Variants in HS3ST4 observed in about 807,000 individuals in gnomAD.
The protein encoded by HS3ST4 is heparan sulfate glucosamine 3-O-sulfotransferase 4.
A neutral mutation model predicts 29.2 loss-of-function variants in HS3ST4; 17 were observed. The ratio of observed to expected loss-of-function variants is 0.58; its 90% CI spans 0.40 to 0.87. The LOEUF (loss-of-function observed/expected upper bound fraction) is 0.87. Among genes scored for constraint, HS3ST4 ranks in the 40% least tolerant of loss-of-function variants. HS3ST4 has a pLI of 0.00. For synonymous variants in HS3ST4, 314 were observed against 285.7 expected (o/e 1.10, Z -1.00); for missense variants, 627 against 634.5 (o/e 0.99, Z 0.13).
chr16:25,944,002 G>A (rs988355065), intron 1 of HS3ST4, among the ~76,000 whole-genome samples: 4 of 152,104 alleles, frequency 2.6e-5, no homozygotes, highest in African/African-American at 9.7e-5. Flanking sequence ...TGATTCTGGG[G>A]AAATCTTTCT....
At chr16:25,731,961 C>A (rs910848705) in intron 1 of HS3ST4, among the ~76,000 whole-genome samples, 3 of 152,152 alleles carry the variant, frequency 2.0e-5, no homozygotes, top group Non-Finnish European at 4.4e-5. Flanking sequence ...GAAGAACAAA[C>A]CTTTTCATAT....
intron 1 of HS3ST4, among the ~76,000 whole-genome samples, chr16:25,795,892 G>A (rs570593625): frequency 3.3e-5 from 5 of 152,194 alleles, no homozygotes; most frequent in Middle Eastern, 3.4e-3. Context: ...TCTCGCTGGC[G>A]GGTATTTCCA....
intron 1 of HS3ST4, among the ~76,000 whole-genome samples, chr16:25,814,508 A>G (rs1276280215): frequency 6.6e-6 from 1 of 151,962 alleles, no homozygotes; most frequent in Non-Finnish European, 1.5e-5. Flanking sequence ...CACCATGCCC[A>G]GCTAATTTTT....
chr16:25,723,128 G>T (rs952810585), intron 1 of HS3ST4, among the ~76,000 whole-genome samples: 2 of 152,040 alleles, frequency 1.3e-5, no homozygotes, highest in Non-Finnish European at 2.9e-5. Flanking sequence ...TTATCTCCCC[G>T]GGTCCCTCCC....
intron 1 of HS3ST4, among the ~76,000 whole-genome samples, chr16:26,039,531 A>G (rs1181086417): frequency 6.6e-6 from 1 of 152,182 alleles, no homozygotes; most frequent in Non-Finnish European, 1.5e-5. Flanking sequence ...GCAATGTGCA[A>G]TAACCACATC....
intron 1 of HS3ST4, among the ~76,000 whole-genome samples, chr16:25,860,338 C>T (rs982974876): frequency 3.3e-5 from 5 of 152,216 alleles, no homozygotes; most frequent in African/African-American, 7.2e-5. Flanking sequence ...CCATATGATG[C>T]AGCCATCATG....
chr16:25,928,075 G>A (rs889885311), intron 1 of HS3ST4, among the ~76,000 whole-genome samples: 7 of 149,358 alleles, frequency 4.7e-5, no homozygotes, highest in South Asian at 4.3e-4. Context: ...CAGGCATGCC[G>A]GTGCTTGCTA....
chr16:25,697,829 C>T (rs145106073), intron 1 of HS3ST4, among the ~76,000 whole-genome samples: 5 of 152,116 alleles, frequency 3.3e-5, no homozygotes, highest in Admixed American at 6.5e-5. Flanking sequence ...CGCACCACCA[C>T]GTCCAGCAAA....
intron 1 of HS3ST4, among the ~76,000 whole-genome samples, chr16:25,860,790 G>A (rs75144876): frequency 6.6e-6 from 1 of 152,238 alleles, no homozygotes; most frequent in East Asian, 1.9e-4. Flanking sequence ...TACGATGGTG[G>A]ATACATGGCA....
chr16:25,923,329 G>A (rs915110970), intron 1 of HS3ST4, among the ~76,000 whole-genome samples: 20 of 152,236 alleles, frequency 1.3e-4, no homozygotes, highest in African/African-American at 3.4e-4. Flanking sequence ...TTAAATGCAC[G>A]CCCTCAGCCA....
chr16:26,021,944 G>A (rs562463445), intron 1 of HS3ST4, among the ~76,000 whole-genome samples: 6 of 151,634 alleles, frequency 4.0e-5, no homozygotes, highest in Admixed American at 3.9e-4. Context: ...TTACAGGTGT[G>A]AGCCATCACA....
intron 1 of HS3ST4, among the ~76,000 whole-genome samples, chr16:26,112,756 A>G (rs1899149147): frequency 6.6e-6 from 1 of 152,314 alleles, no homozygotes; most frequent in Non-Finnish European, 1.5e-5. Context: ...CACACAAATT[A>G]CCAAGAAACA....
At chr16:26,092,815 C>A (rs565789096) in intron 1 of HS3ST4, among the ~76,000 whole-genome samples, 1 of 152,242 alleles carries the variant, frequency 6.6e-6, no homozygotes, top group African/African-American at 2.4e-5. Context: ...TGCAAGGGGT[C>A]GGGGAATTTC....
chr16:26,089,121 A>G (rs1290146079), intron 1 of HS3ST4, among the ~76,000 whole-genome samples: 2 of 152,188 alleles, frequency 1.3e-5, no homozygotes, highest in Non-Finnish European at 2.9e-5. Context: ...AATTTCTCTG[A>G]TCAAGTGTCA....
At chr16:26,078,541 G>T (rs1360266411) in intron 1 of HS3ST4, among the ~76,000 whole-genome samples, 3 of 152,154 alleles carry the variant, frequency 2.0e-5, no homozygotes, top group Non-Finnish European at 4.4e-5. Flanking sequence ...GGTTTTGTGT[G>T]GTCTTATTAG....
chr16:26,037,983 C>T (rs985634134), intron 1 of HS3ST4, among the ~76,000 whole-genome samples: 2 of 152,174 alleles, frequency 1.3e-5, no homozygotes, highest in Non-Finnish European at 2.9e-5. Context: ...GGTCAAAAGC[C>T]TCCAATGACT....
chr16:26,083,795 GA>G (rs1437094515), intron 1 of HS3ST4, among the ~76,000 whole-genome samples: 1 of 151,708 alleles, frequency 6.6e-6, no homozygotes, highest in Non-Finnish European at 1.5e-5. Context: ...CCCTAAGTAA[GA>G]AAAAAAACAG....
chr16:25,708,162 A>G (rs1436002371), intron 1 of HS3ST4, among the ~76,000 whole-genome samples: 1 of 152,208 alleles, frequency 6.6e-6, no homozygotes, highest in Non-Finnish European at 1.5e-5. Context: ...TATCCCTGCT[A>G]TTTAAGTATG....
At chr16:25,737,846 C>A (rs1475533418) in intron 1 of HS3ST4, among the ~76,000 whole-genome samples, 1 of 151,776 alleles carries the variant, frequency 6.6e-6, no homozygotes, top group Admixed American at 6.6e-5. Flanking sequence ...AGCAAAACTT[C>A]ATGTAATTGT....
Sources: gnomAD v4.1 joint callset for allele counts (sites outside exome capture counted in the v4.1 genomes callset) on GRCh38, gnomAD v4.1.1 for gene constraint, MANE v1.5 for transcripts, NCBI Gene and HGNC (gene_info 2026-07-23, HGNC 2026-07-21) for gene names.